The following KIF5C variants were observed in gnomAD, a reference collection of about 807,000 sequenced individuals.
KIF5C encodes kinesin family member 5C.
In KIF5C, 18 loss-of-function variants were observed where a neutral mutation model predicts 125.2. The ratio of observed to expected loss-of-function variants is 0.14; its 90% CI spans 0.10 to 0.21. The LOEUF (loss-of-function observed/expected upper bound fraction) is 0.21. KIF5C is among the 10% of genes least tolerant of loss of function. The pLI is 1.00. For synonymous variants in KIF5C, 405 were observed against 434.0 expected, an observed-to-expected ratio of 0.93 and a Z score of 0.83; for missense variants, 780 against 1,183.8, an observed-to-expected ratio of 0.66 and a Z score of 5.01.
intron 19 of KIF5C, 110 bp downstream of exon 19, chr2:148,998,619 T>A (rs1047414406): frequency 6.8e-7 from 1 of 1,480,524 alleles, no homozygotes; most frequent in Non-Finnish European, 9.1e-7. Flanking sequence ...CCTTGCCCTG[T>A]GGGCACTGCC....
At chr2:148,927,940 G>C (rs1161901376) in intron 2 of KIF5C, among the ~76,000 whole-genome samples, 1 of 151,104 alleles carries the variant, frequency 6.6e-6, no homozygotes, top group Non-Finnish European at 1.5e-5. Context: ...AATATAGCTT[G>C]ATACAAACTC....
At chr2:148,895,687 C>G (rs1433569829) in intron 1 of KIF5C, among the ~76,000 whole-genome samples, 1 of 152,176 alleles carries the variant, frequency 6.6e-6, no homozygotes, top group East Asian at 1.9e-4. Context: ...ACTACAGACT[C>G]AGTGGCTTAA....
At chr2:148,972,456 G>C (rs1042352173) in intron 11 of KIF5C, among the ~76,000 whole-genome samples, 5 of 152,176 alleles carry the variant, frequency 3.3e-5, no homozygotes, top group Non-Finnish European at 7.4e-5. Flanking sequence ...ACTCAGTGGG[G>C]CCAGTAGTTT....
At chr2:148,954,566 G>A (rs1400271501) in intron 10 of KIF5C, among the ~76,000 whole-genome samples, 2 of 152,178 alleles carry the variant, frequency 1.3e-5, no homozygotes, top group East Asian at 1.9e-4. Flanking sequence ...AATGTGGTTA[G>A]GAAGACCTGA....
intron 1 of KIF5C, among the ~76,000 whole-genome samples, chr2:148,894,759 T>C (rs1681795437): frequency 6.6e-6 from 1 of 151,382 alleles, no homozygotes; most frequent in Non-Finnish European, 1.5e-5. Flanking sequence ...ATAAAAGTAA[T>C]CACAAGTGTT....
chr2:149,011,657 C>G lies in KIF5C; in HGVS notation c.2855C>G (p.Ser952Cys). The change falls in exon 25 of 26, where the codon TCC (serine) becomes TGC (cysteine). Residue 952 changes from serine (S) to cysteine (C), a missense_variant. Transcript: ENST00000435030. ...GGGGGAGGAGGCAGCTCTTCAAATT[C>G]CACTCACTACCAGAAATAAATACAA... ...IRGGGGSSSN[S>C]THYQK 1 of 1,614,060 alleles carries G rather than the reference C, an allele frequency of 6.2e-7. No homozygotes were observed. The highest frequency in any genetic ancestry group is 8.5e-7 in the Non-Finnish European group (1 of 1,179,906).
Position 149,008,086 on chromosome 2 carries a change from C to T in KIF5C, c.2550+19C>T, listed in dbSNP as rs1682065557. ...CAAGCAGGTAGGAGAGTTCTGCCCG[C>T]TCCCCTCTGATTCCCTCCTCTCTCC... On this transcript the variant is annotated intron_variant, in intron 23 of 25. Transcript: ENST00000435030. 1.3e-6 allele frequency: 2 copies of T among 1,598,300 alleles called. No individual in the cohort carries two copies. The highest frequency in any genetic ancestry group is 1.7e-6 in the Non-Finnish European group (2 of 1,169,964).
At chr2:148,964,711 G>A (rs1329141582) in intron 11 of KIF5C, among the ~76,000 whole-genome samples, 2 of 152,132 alleles carry the variant, frequency 1.3e-5, no homozygotes, top group East Asian at 1.9e-4. Context: ...TAGGGGGCAT[G>A]AGGTGAGGTG....
At chr2:148,962,782 G>C (rs1208194532) in intron 11 of KIF5C, among the ~76,000 whole-genome samples, 1 of 152,140 alleles carries the variant, frequency 6.6e-6, no homozygotes, top group Non-Finnish European at 1.5e-5. Context: ...GAGACTTAGT[G>C]GCTCAGACTG....
At chr2:148,880,226 T>C (rs1681308307) in intron 1 of KIF5C, among the ~76,000 whole-genome samples, 1 of 152,138 alleles carries the variant, frequency 6.6e-6, no homozygotes, top group African/African-American at 2.4e-5. Context: ...GTTCAAGCAA[T>C]TCTCCTGCCT....
intron 11 of KIF5C, among the ~76,000 whole-genome samples, chr2:148,969,942 G>A (rs1680855434): frequency 6.6e-6 from 1 of 152,166 alleles, no homozygotes; most frequent in African/African-American, 2.4e-5. Flanking sequence ...ACCTGCCCTT[G>A]GTTCCTCTCT....
At chr2:148,957,935 G>T (rs928061777) in intron 10 of KIF5C, among the ~76,000 whole-genome samples, 1 of 152,028 alleles carries the variant, frequency 6.6e-6, no homozygotes, top group Admixed American at 6.6e-5. Context: ...GCCTGTCTTT[G>T]AATTATTTGA....
chr2:148,957,966 G>A (rs1682838203), intron 10 of KIF5C, among the ~76,000 whole-genome samples: 2 of 150,784 alleles, frequency 1.3e-5, no homozygotes, highest in Non-Finnish European at 2.9e-5. Context: ...ACCCAGTACT[G>A]TTTTGTATCT....
chr2:148,919,149 G>T (rs192267558), intron 1 of KIF5C, among the ~76,000 whole-genome samples: 40 of 152,330 alleles, frequency 2.6e-4, no homozygotes, highest in South Asian at 6.2e-4. Context: ...TGTGAATCTG[G>T]ATGTTAGAAG....
chr2:148,932,195 T>G (rs1304232029), intron 3 of KIF5C, among the ~76,000 whole-genome samples: 1 of 152,194 alleles, frequency 6.6e-6, no homozygotes, highest in African/African-American at 2.4e-5. Context: ...GAGGATTTTA[T>G]GTATTCAAAT....
At chr2:148,956,473 G>C (rs1404822519) in intron 10 of KIF5C, among the ~76,000 whole-genome samples, 1 of 152,144 alleles carries the variant, frequency 6.6e-6, no homozygotes, top group African/African-American at 2.4e-5. Context: ...CCTAAGGGTG[G>C]TTAACATTCA....
At chr2:148,926,561 G>A (rs1339619618) in intron 2 of KIF5C, among the ~76,000 whole-genome samples, 2 of 152,198 alleles carry the variant, frequency 1.3e-5, no homozygotes, top group East Asian at 1.9e-4. Flanking sequence ...CCCGCAGTGC[G>A]GAGCGCGGCC....
intron 3 of KIF5C, among the ~76,000 whole-genome samples, chr2:148,936,051 G>A (rs761702727): frequency 2.0e-5 from 3 of 152,236 alleles, no homozygotes; most frequent in Non-Finnish European, 4.4e-5. Flanking sequence ...ACTCTGGGAA[G>A]CCAAGGTGGG....
At chr2:148,999,416 C>T (rs945267140) in intron 19 of KIF5C, among the ~76,000 whole-genome samples, 4 of 152,172 alleles carry the variant, frequency 2.6e-5, no homozygotes, top group Non-Finnish European at 5.9e-5. Context: ...GATCCAAGTC[C>T]CTTTTCAATG....
Sources: gnomAD v4.1 joint callset for allele counts (sites outside exome capture counted in the v4.1 genomes callset) on GRCh38, gnomAD v4.1.1 for gene constraint, MANE v1.5 for transcripts, NCBI Gene and HGNC (gene_info 2026-07-23, HGNC 2026-07-21) for gene names.